KIAA1671: variants seen among roughly 807,000 people sequenced by gnomAD.
KIAA1671 encodes KIAA1671.
A neutral mutation model predicts 131.2 loss-of-function variants in KIAA1671; 52 were observed. That is an observed-to-expected ratio of 0.40 (90% CI 0.32 to 0.50). The LOEUF is 0.50. Ranked by LOEUF, KIAA1671 falls within the 20% of genes least tolerant of loss-of-function variation. KIAA1671 has a pLI of 0.73. For synonymous variants in KIAA1671, 1,003 were observed against 961.6 expected, an observed-to-expected ratio of 1.04 and a Z score of -0.80; for missense variants, 2,360 against 2,364.2, an observed-to-expected ratio of 1.00 and a Z score of 0.04.
At position 25,159,604 on chromosome 22, in the gene KIAA1671, C is replaced by T. The variant is rs538121555; in HGVS notation, c.4531-11216C>T. 3.4e-4 allele frequency among the ~76,000 whole-genome samples: 51 copies of T among 152,090 alleles called. 1 individual carries two copies. Among genetic ancestry groups the T allele is most frequent in the South Asian group, 2.1e-4 (1 of 4,806 alleles). On this transcript the variant is annotated intron_variant, in intron 6 of 12. Coordinates refer to ENST00000358431, the MANE Select transcript of KIAA1671 (RefSeq NM_001145206.2). ...ATGTGGACTGGCATCTGTTTGGCAC[C>T]GACCACATGCCAGGCATGTGCTAGT...
At chr22:25,112,758 C>G (rs1187004655) in intron 6 of KIAA1671, 5 of 192,044 alleles carry the variant, frequency 2.6e-5, no homozygotes, top group Non-Finnish European at 4.2e-5. Context: ...GTGTGAACAC[C>G]CCAACCCCCG....
intron 1 of KIAA1671, among the ~76,000 whole-genome samples, chr22:24,958,577 G>A (rs1451498235): frequency 6.6e-6 from 1 of 151,720 alleles, no homozygotes; most frequent in East Asian, 1.9e-4. Context: ...CTTGAACCCC[G>A]GAGGTGGAGG....
intron 6 of KIAA1671, among the ~76,000 whole-genome samples, chr22:25,119,299 G>T (rs559410049): frequency 2.6e-5 from 4 of 152,230 alleles, no homozygotes; most frequent in African/African-American, 7.2e-5. Context: ...GACAAGAAGT[G>T]TACGGCCACA....
intron 6 of KIAA1671, among the ~76,000 whole-genome samples, chr22:25,115,274 C>G (rs1045164619): frequency 6.6e-6 from 1 of 152,154 alleles, no homozygotes; most frequent in South Asian, 2.1e-4. Flanking sequence ...AACCCAGGAA[C>G]AATGGCAGTG....
At chr22:25,067,606 C>A (rs1415159225) in intron 6 of KIAA1671, among the ~76,000 whole-genome samples, 1 of 152,074 alleles carries the variant, frequency 6.6e-6, no homozygotes, top group African/African-American at 2.4e-5. Context: ...CTTCCTCCCA[C>A]CTTCCTCCCT....
intron 6 of KIAA1671, among the ~76,000 whole-genome samples, chr22:25,087,333 C>T (rs1929778844): frequency 6.6e-6 from 1 of 152,154 alleles, no homozygotes; most frequent in Admixed American, 6.5e-5. Context: ...GCCTGTAATC[C>T]CAATACTTCG....
chr22:25,169,818 C>T (rs1241336233), intron 6 of KIAA1671, among the ~76,000 whole-genome samples: 1 of 152,230 alleles, frequency 6.6e-6, no homozygotes, highest in East Asian at 1.9e-4. Flanking sequence ...CGGGTTGCAA[C>T]AGCCCAAGGG....
rs1414723320 is a variant in KIAA1671, at chr22:25,041,056, C to T, written c.3926C>T (p.Pro1309Leu). The T allele has an allele frequency of 6.6e-7, 1 of 1,520,210 alleles. No homozygotes were observed. Among genetic ancestry groups the T allele is most frequent in the Non-Finnish European group, 8.8e-7 (1 of 1,132,248 alleles). 94.2% of individuals were successfully genotyped at this position (1,520,210 alleles called of 1,614,324 possible). ...LPPSAPSERY[P>L]GGSPIPADPR... ...CCCTCGGCTCCTTCTGAAAGGTATC[C>T]AGGGGGCTCTCCTATACCTGCGGAT... is the stretch of plus-strand genomic sequence containing the variant. Residue 1309 changes from proline (P) to leucine (L), a missense_variant, in exon 5 of 13, where the codon CCA becomes CTA. Pro to Leu is a moderately conservative substitution (Grantham distance 98). This residue lies in a region of KIAA1671 where 1,161 missense variants were observed against 1,204.7 expected (regional missense o/e 0.96). Coordinates refer to ENST00000358431, the MANE Select transcript of KIAA1671 (RefSeq NM_001145206.2).
chr22:24,991,830 G>A (rs994230321), intron 1 of KIAA1671, among the ~76,000 whole-genome samples: 4 of 152,050 alleles, frequency 2.6e-5, no homozygotes, highest in Non-Finnish European at 4.4e-5. Context: ...GAGGGATCAT[G>A]GCCATAATCT....
intron 6 of KIAA1671, among the ~76,000 whole-genome samples, chr22:25,161,013 C>T (rs1359535733): frequency 6.6e-6 from 1 of 152,130 alleles, no homozygotes. Context: ...TCTGCCCAGC[C>T]TCATATCCCA....
intron 6 of KIAA1671, among the ~76,000 whole-genome samples, chr22:25,079,742 T>C (rs1396928856): frequency 2.0e-5 from 3 of 152,116 alleles, no homozygotes; most frequent in Admixed American, 2.0e-4. Flanking sequence ...GAGGTGACCA[T>C]GCCGGGCCTT....
intron 1 of KIAA1671, among the ~76,000 whole-genome samples, chr22:24,976,685 C>G (rs1410509488): frequency 6.6e-6 from 1 of 152,222 alleles, no homozygotes; most frequent in African/African-American, 2.4e-5. Context: ...GGCCCTTTCC[C>G]TGCCTGCTCC....
chr22:24,979,461 T>C (rs1923112813), intron 1 of KIAA1671, among the ~76,000 whole-genome samples: 1 of 151,682 alleles, frequency 6.6e-6, no homozygotes, highest in South Asian at 2.1e-4. Context: ...GCCATTCTCC[T>C]GCCTCAGCCT....
At position 25,029,117 on chromosome 22, in the gene KIAA1671, G is replaced by A. The variant is rs1266854309; in HGVS notation, c.1118G>A (p.Gly373Asp). Residue 373 changes from glycine (G) to aspartate (D), a missense_variant, in exon 3 of 13, where the codon GGC becomes GAC. Gly to Asp is a moderately conservative substitution (Grantham distance 94). Transcript: ENST00000358431. Reference protein sequence around the residue: ...EMGSPRALVGGSSGVTPSNDQ... With the variant: ...EMGSPRALVGDSSGVTPSNDQ... The stretch of plus-strand genomic sequence containing the variant: ...GGCAGCCCCAGAGCCCTGGTGGGGG[G>A]CTCATCTGGGGTCACCCCCAGCAAT... The A allele has an allele frequency of 2.0e-5, 29 of 1,467,866 alleles. No homozygotes were observed. The highest frequency in any genetic ancestry group is 2.9e-5 in the South Asian group (2 of 69,210). The allele number at this position is 1,467,866 out of a possible 1,614,324, so 90.9% of individuals were successfully genotyped here. A position where few individuals can be genotyped will look rare whatever the true frequency, so the allele number is the denominator to read the frequency against.
At chr22:25,132,234 A>G (rs1184148103) in intron 6 of KIAA1671, among the ~76,000 whole-genome samples, 1 of 152,196 alleles carries the variant, frequency 6.6e-6, no homozygotes, top group African/African-American at 2.4e-5. Context: ...TTTGCAAACT[A>G]TTGTTAGAGA....
At chr22:25,077,711 G>A (rs1478904049) in intron 6 of KIAA1671, among the ~76,000 whole-genome samples, 1 of 152,180 alleles carries the variant, frequency 6.6e-6, no homozygotes, top group African/African-American at 2.4e-5. Context: ...CCTGGAGATG[G>A]GAAATCACTG....
intron 1 of KIAA1671, among the ~76,000 whole-genome samples, chr22:24,984,232 C>T (rs937745002): frequency 1.3e-5 from 2 of 152,132 alleles, no homozygotes; most frequent in Non-Finnish European, 2.9e-5. Flanking sequence ...ACACTGACAT[C>T]CCTCCAGTGT....
chr22:25,135,650 GTTA>G (rs1932644069), intron 6 of KIAA1671, among the ~76,000 whole-genome samples: 1 of 152,198 alleles, frequency 6.6e-6, no homozygotes, highest in African/African-American at 2.4e-5. Context: ...CCTTTTAGAT[GTTA>G]TTATAATAAA....
chr22:25,181,643 A>G lies in KIAA1671; in HGVS notation c.5075-56A>G, dbSNP rs2146035353. The G allele has an allele frequency of 1.9e-6, 3 of 1,546,318 alleles. No individual in the cohort carries two copies. In the South Asian group the frequency reaches 3.6e-5, roughly 18 times the overall value. ...ACTGTGTGCAAATTATCTGGCATGT[A>G]GGACCTCAATACATGGCAGCTGCTG... is the stretch of plus-strand genomic sequence containing the variant. On this transcript the variant is annotated intron_variant, in intron 9 of 12. Transcript: ENST00000358431.
Sources: gnomAD v4.1 joint callset for allele counts (sites outside exome capture counted in the v4.1 genomes callset) on GRCh38, gnomAD v4.1.1 for gene constraint, gnomAD v4.1.1 regional missense constraint, MANE v1.5 for transcripts, NCBI Gene and HGNC (gene_info 2026-07-23, HGNC 2026-07-21) for gene names.